NMS: variants seen among roughly 807,000 people sequenced by gnomAD.
NMS encodes the protein neuromedin-S.
Under a neutral mutation model 32.2 loss-of-function variants are expected in NMS, and 30 were observed. The ratio of observed to expected loss-of-function variants is 0.93; its 90% CI spans 0.70 to 1.26. NMS has a LOEUF of 1.26. Ranked by LOEUF, NMS falls within the 50% of genes most tolerant of loss-of-function variation. The pLI, the probability that NMS is intolerant of heterozygous loss-of-function variation, is 0.00. For synonymous variants in NMS, 76 were observed against 58.5 expected (o/e 1.30, Z -1.37); for missense variants, 190 against 186.3 (o/e 1.02, Z -0.12).
At chr2:100,470,670 C>T in intron 1 of NMS, 106 bp downstream of exon 1, 1 of 856,730 alleles carries the variant, frequency 1.2e-6, no homozygotes, top group South Asian at 1.3e-5. Flanking sequence ...TTTATTCTCC[C>T]CCGCCAGACC....
At chr2:100,480,373 C>T in intron 6 of NMS, 123 bp from the exon 7 acceptor site, 1 of 969,586 alleles carries the variant, frequency 1.0e-6, no homozygotes, top group Non-Finnish European at 1.6e-6. Flanking sequence ...TCTCCACCTC[C>T]TCTTTTGCAC....
chr2:100,481,153 T>G lies in NMS; in HGVS notation c.400T>G (p.Phe134Val). Residue 134 changes from phenylalanine (F) to valine (V), a missense_variant, in exon 8 of 10, where the codon TTT becomes GTT. By Grantham distance (50) the Phe-to-Val change is conservative. Transcript: ENST00000376865. ...TCACACTGCGACCTGGGGACGACCC[T>G]TTTTCCTTTTCAGGGTATAGCATGT... is the stretch of plus-strand genomic sequence containing the variant. ...KDHTATWGRPFFLFRPRNGRN... is the reference protein window; with the variant it reads ...KDHTATWGRPVFLFRPRNGRN... 1 of 1,613,716 alleles carries G rather than the reference T, an allele frequency of 6.2e-7. No individual in the cohort carries two copies. The highest frequency in any genetic ancestry group is 8.5e-7 in the Non-Finnish European group (1 of 1,179,592).
chr2:100,472,673 T>C, intron 1 of NMS, 122 bp from the exon 2 acceptor site: 1 of 621,968 alleles, frequency 1.6e-6, no homozygotes, highest in East Asian at 2.8e-5. Flanking sequence ...ACTGACCTCT[T>C]TTGAATGGTT....
rs913160065 is a variant in NMS at position 100,479,378 on chromosome 2, A to T, written c.287A>T (p.His96Leu). 6.2e-7 allele frequency: 1 copy of T among 1,610,796 alleles called. No individual in the cohort carries two copies. Among genetic ancestry groups the T allele is most frequent in the African/African-American group, 1.3e-5 (1 of 74,846 alleles). The change falls in exon 6 of 10, where the codon CAC becomes CTC. Residue 96 changes from histidine (H) to leucine (L), a missense_variant. Coordinates refer to ENST00000376865, the MANE Select transcript of NMS (RefSeq NM_001011717.1). ...TGFPPVHPLM[H>L]LAAKLANRRM... ...TTTCCTCCAGTGCATCCTCTAATGC[A>T]CCTGGCTGCCAAGCTCGCCAACAGG...
rs113435363 is a variant in NMS, at chr2:100,478,974, G to C, written c.262-379G>C. Among the ~76,000 whole-genome samples, 1,079 of 152,288 alleles carry C rather than the reference G, an allele frequency of 7.1e-3. 5 individuals are homozygous for C. Among genetic ancestry groups the C allele is most frequent in the Non-Finnish European group, 0.01 (696 of 68,026 alleles). ...ATCAGAAGTGCTTGGGGAGGGTTAC[G>C]GGGGCTGCCCTCCACCTTTTCCCTT... On this transcript the variant is annotated intron_variant, in intron 5 of 9. Transcript: ENST00000376865.
Position 100,476,666 on chromosome 2 carries a change from G to A in NMS, c.184-578G>A, listed in dbSNP as rs570972943. ...ATAAAACATGGACATGAACACTTAC[G>A]CTATGGTTTTGTAAGAAGTCTTCTT... On this transcript the variant is annotated intron_variant, in intron 3 of 9. Transcript: ENST00000376865. 2.7e-4 allele frequency among the ~76,000 whole-genome samples: 40 copies of A among 146,872 alleles called. 1 individual carries two copies. In the South Asian group the frequency reaches 8.4e-3, roughly 31 times the overall value.
chr2:100,471,892 A>G (rs997472138), intron 1 of NMS, among the ~76,000 whole-genome samples: 6 of 152,216 alleles, frequency 3.9e-5, no homozygotes, highest in African/African-American at 1.4e-4. Context: ...CAGTTAACAT[A>G]TACTTCCTAA....
intron 3 of NMS, among the ~76,000 whole-genome samples, chr2:100,475,315 G>A (rs1677088494): frequency 6.6e-6 from 1 of 152,166 alleles, no homozygotes; most frequent in Non-Finnish European, 1.5e-5. Context: ...GTCTGGATGT[G>A]TTGCTGGAGC....
chr2:100,480,450 A>G (rs376542241), intron 6 of NMS, 46 bp from the exon 7 acceptor site: 3 of 1,601,270 alleles, frequency 1.9e-6, no homozygotes, highest in Non-Finnish European at 2.6e-6. Flanking sequence ...CTGCAAGGTC[A>G]TGATGTGGTT....
chr2:100,481,875 C>G, intron 8 of NMS, among the ~76,000 whole-genome samples: 1 of 152,218 alleles, frequency 6.6e-6, no homozygotes, highest in East Asian at 1.9e-4. Context: ...CATGGAGCTG[C>G]TTCCCACCAC....
rs1408813441 is a variant in NMS at position 100,470,563 on chromosome 2, A to G, written c.75A>G (p.Ser25=). The G allele has an allele frequency of 6.2e-7, 1 of 1,611,646 alleles. No individual in the cohort carries two copies. The highest frequency in any genetic ancestry group is 1.3e-5 in the African/African-American group (1 of 74,942). The change falls in exon 1 of 10, where the codon TCA becomes TCG. Residue 25 remains serine, a splice_region_variant and synonymous_variant. Coordinates refer to ENST00000376865, the MANE Select transcript of NMS (RefSeq NM_001011717.1). ...YCFCMLQIPS[S]GFPQPLADPS... is the part of the protein sequence containing the mutation. ...TCTGCATGCTACAGATTCCCTCCTC[A>G]GGTAAGGGGAGCTTCCTCAGACTCC...
chr2:100,471,441 C>G (rs1677004881), intron 1 of NMS, among the ~76,000 whole-genome samples: 1 of 152,204 alleles, frequency 6.6e-6, no homozygotes, highest in African/African-American at 2.4e-5. Context: ...TCACAGGGTG[C>G]AGGGATCCCT....
At chr2:100,474,799 T>C (rs1488503908) in intron 3 of NMS, among the ~76,000 whole-genome samples, 2 of 152,370 alleles carry the variant, frequency 1.3e-5, no homozygotes, top group East Asian at 1.9e-4. Flanking sequence ...CCATTTCTTC[T>C]TATTTTTGGT....
Position 100,479,373 on chromosome 2 carries a change from A to G in NMS, c.282A>G (p.Leu94=), listed in dbSNP as rs1324699354. 17 of 1,610,760 alleles carry G rather than the reference A, an allele frequency of 1.1e-5. No individual in the cohort carries two copies. Among genetic ancestry groups the G allele is most frequent in the Non-Finnish European group, 1.4e-5 (17 of 1,178,538 alleles). The change falls in exon 6 of 10, where the codon CTA becomes CTG. Residue 94 remains leucine (L), a synonymous_variant. Coordinates refer to ENST00000376865, the MANE Select transcript of NMS (RefSeq NM_001011717.1). ...VKTGFPPVHP[L]MHLAAKLANR... is the part of the protein sequence containing the mutation. ...TGCAGTTTCCTCCAGTGCATCCTCT[A>G]ATGCACCTGGCTGCCAAGCTCGCCA...
intron 3 of NMS, among the ~76,000 whole-genome samples, chr2:100,475,272 C>T (rs563725951): frequency 2.6e-5 from 4 of 152,314 alleles, no homozygotes; most frequent in South Asian, 2.1e-4. Flanking sequence ...GTCACTTCGT[C>T]TCTTGGGGCT....
chr2:100,475,516 C>A (rs1188903266), intron 3 of NMS, among the ~76,000 whole-genome samples: 1 of 152,146 alleles, frequency 6.6e-6, no homozygotes, highest in African/African-American at 2.4e-5. Flanking sequence ...GCAATAAGTT[C>A]TTGTGAACAG....
chr2:100,482,671 G>C (rs1052803234), intron 9 of NMS, among the ~76,000 whole-genome samples: 11 of 152,146 alleles, frequency 7.2e-5, no homozygotes, highest in Non-Finnish European at 1.2e-4. Context: ...ACACCACCCT[G>C]TCATGCTTGG....
chr2:100,475,066 T>G (rs1573234562), intron 3 of NMS, among the ~76,000 whole-genome samples: 1 of 152,122 alleles, frequency 6.6e-6, no homozygotes, highest in East Asian at 1.9e-4. Context: ...GTTATGAGGA[T>G]CCCCAAGAGC....
intron 1 of NMS, among the ~76,000 whole-genome samples, chr2:100,471,116 G>GT (rs2104329677): frequency 6.6e-6 from 1 of 152,324 alleles, no homozygotes; most frequent in Non-Finnish European, 1.5e-5. Context: ...TGCTGACCGG[G>GT]TGCGGGCATC....
Sources: allele counts gnomAD v4.1 joint callset (sites outside exome capture counted in the v4.1 genomes callset), GRCh38; gene constraint gnomAD v4.1.1; transcripts MANE v1.5; gene names NCBI Gene and HGNC (gene_info 2026-07-23, HGNC 2026-07-21).